The following PDS5B variants were observed in gnomAD, a reference collection of about 807,000 sequenced individuals.
PDS5B encodes PDS5 cohesin associated factor B.
Under a neutral mutation model 184.1 loss-of-function variants are expected in PDS5B, and 51 were observed. That is an observed-to-expected ratio of 0.28 (90% CI 0.22 to 0.35). PDS5B has a LOEUF of 0.35. Among genes scored for constraint, PDS5B ranks in the 10% least tolerant of loss-of-function variants. The pLI is 1.00. For missense variants in PDS5B, 1,180 were observed against 1,723.3 expected (o/e 0.68, Z 5.58); for synonymous variants, 566 against 569.2 (o/e 0.99, Z 0.08).
chr13:32,717,204 T>C (rs1282812105), intron 19 of PDS5B, among the ~76,000 whole-genome samples: 3 of 150,924 alleles, frequency 2.0e-5, no homozygotes, highest in South Asian at 2.1e-4. Flanking sequence ...CAACAGCTCA[T>C]TGAGAACGGG....
intron 3 of PDS5B, among the ~76,000 whole-genome samples, chr13:32,656,938 G>T (rs751383000): frequency 1.3e-5 from 2 of 152,170 alleles, no homozygotes; most frequent in Non-Finnish European, 2.9e-5. Context: ...AACATATGTG[G>T]TCATCATTAT....
In PDS5B at chr13:32,717,173, A is replaced by T. The variant is rs1349024159; in HGVS notation, c.2123+7067A>T. Among the ~76,000 whole-genome samples, 7 of 152,254 alleles carry T rather than the reference A, an allele frequency of 4.6e-5. No individual in the cohort carries two copies. The East Asian group carries it at 1.4e-3, about 29-fold the overall frequency. On this transcript the variant is annotated intron_variant, in intron 19 of 34. Coordinates refer to ENST00000315596, the MANE Select transcript of PDS5B (RefSeq NM_015032.4). ...TGAGGAGCCCCTCTGCCAGGCCACC[A>T]CCCCATCTGGGAGGTGTACCCAACA...
At chr13:32,641,074 A>T (rs1950074243) in intron 1 of PDS5B, among the ~76,000 whole-genome samples, 1 of 151,578 alleles carries the variant, frequency 6.6e-6, no homozygotes, top group East Asian at 1.9e-4. Context: ...AAAAAAAAAA[A>T]ATCACATTTT....
intron 1 of PDS5B, among the ~76,000 whole-genome samples, chr13:32,613,190 T>C (rs1006317035): frequency 2.0e-5 from 3 of 152,242 alleles, no homozygotes; most frequent in Admixed American, 6.5e-5. Flanking sequence ...TAAATAATGC[T>C]GTTTGAAGAT....
intron 1 of PDS5B, among the ~76,000 whole-genome samples, chr13:32,615,144 G>A (rs1049606670): frequency 6.6e-6 from 1 of 152,070 alleles, no homozygotes; most frequent in African/African-American, 2.4e-5. Context: ...TTTTGTGATA[G>A]CATGTTTTGT....
chr13:32,626,265 G>A (rs967636379), intron 1 of PDS5B, among the ~76,000 whole-genome samples: 1 of 152,184 alleles, frequency 6.6e-6, no homozygotes, highest in Non-Finnish European at 1.5e-5. Flanking sequence ...GCAGTTACAG[G>A]TATGGAGGGA....
intron 16 of PDS5B, 65 bp downstream of exon 16, chr13:32,699,934 T>C (rs1304780493): frequency 7.1e-7 from 1 of 1,404,660 alleles, no homozygotes; most frequent in African/African-American, 1.5e-5. Flanking sequence ...TTCTCTCTTT[T>C]ATAAAAGTAA....
At chr13:32,724,685 A>G (rs768259495) in intron 19 of PDS5B, among the ~76,000 whole-genome samples, 13 of 152,162 alleles carry the variant, frequency 8.5e-5, no homozygotes, top group African/African-American at 2.9e-4. Flanking sequence ...GGTTCAAGCA[A>G]TCCTCCCACC....
At chr13:32,597,200 A>ATT (rs745671900) in intron 1 of PDS5B, among the ~76,000 whole-genome samples, 9 of 136,964 alleles carry the variant, frequency 6.6e-5, no homozygotes, top group African/African-American at 2.2e-4. Flanking sequence ...TGGCTGGCTC[A>ATT]TTTTTTTTTT....
rs531263332 is a variant in PDS5B, at chr13:32,688,699, G to T, written c.1469+130G>T. 29 of 645,920 alleles carry T rather than the reference G, an allele frequency of 4.5e-5. No homozygotes were observed. In the African/African-American group the frequency reaches 4.5e-4, roughly 10 times the overall value. The allele number at this position is 645,920 out of a possible 1,614,324, so 40.0% of individuals were successfully genotyped here. On this transcript the variant is annotated intron_variant, in intron 13 of 34. Transcript: ENST00000315596. The stretch of plus-strand genomic sequence containing the variant: ...GTGTAAACATTGTTTAAAGGGTTAT[G>T]TCGTAGTACTTGGCTATTTTTTCAG...
intron 6 of PDS5B, among the ~76,000 whole-genome samples, chr13:32,666,918 A>G (rs1005805385): frequency 1.3e-5 from 2 of 152,200 alleles, no homozygotes; most frequent in East Asian, 3.8e-4. Flanking sequence ...TGTACAGAAA[A>G]TTACTTCTCA....
At chr13:32,595,405 C>T (rs1047801269) in intron 1 of PDS5B, among the ~76,000 whole-genome samples, 1 of 152,166 alleles carries the variant, frequency 6.6e-6, no homozygotes, top group African/African-American at 2.4e-5. Flanking sequence ...ACCTCTCATT[C>T]CTTCCCCATT....
chr13:32,665,648 A>G (rs1441076700), intron 6 of PDS5B, among the ~76,000 whole-genome samples: 3 of 150,124 alleles, frequency 2.0e-5, no homozygotes, highest in Non-Finnish European at 4.5e-5. Flanking sequence ...CAAGATAGGA[A>G]TGAATTTCTT....
intron 16 of PDS5B, 100 bp from the exon 17 acceptor site, chr13:32,701,223 G>A (rs1030645945): frequency 4.4e-5 from 26 of 597,482 alleles, no homozygotes; most frequent in African/African-American, 3.4e-4. Flanking sequence ...TTATTCCAGC[G>A]TCAGTACTAC....
At chr13:32,715,879 T>C (rs1952380157) in intron 19 of PDS5B, among the ~76,000 whole-genome samples, 1 of 152,262 alleles carries the variant, frequency 6.6e-6, no homozygotes, top group South Asian at 2.1e-4. Context: ...CGGGCTGGTC[T>C]CCAGCTCCTA....
intron 1 of PDS5B, among the ~76,000 whole-genome samples, chr13:32,589,412 C>T (rs1446170522): frequency 6.6e-6 from 1 of 152,092 alleles, no homozygotes; most frequent in East Asian, 1.9e-4. Context: ...TCTGTTTCAG[C>T]GTCTGGTTTT....
At position 32,758,069 on chromosome 13, in the gene PDS5B, C is replaced by CT; in HGVS notation, c.3057-18_3057-17insT. The CT allele has an allele frequency of 2.0e-6, 2 of 1,010,620 alleles. No individual in the cohort carries two copies. The highest frequency in any genetic ancestry group is 2.7e-6 in the Non-Finnish European group (2 of 742,738). 62.6% of individuals were successfully genotyped at this position (1,010,620 alleles called of 1,614,324 possible). Reference sequence around the variant, plus strand: ...TGATTTTCTTCTATATTTCTTTTTTCCTTTTTTTTTTTTTTAGATGTCTTT... The same window carrying CT: ...TGATTTTCTTCTATATTTCTTTTTTCTCTTTTTTTTTTTTTTAGATGTCTTT... On this transcript the variant is annotated splice_polypyrimidine_tract_variant and intron_variant, in intron 26 of 34. Coordinates refer to ENST00000315596, the MANE Select transcript of PDS5B (RefSeq NM_015032.4).
chr13:32,590,370 A>G (rs564924520), intron 1 of PDS5B, among the ~76,000 whole-genome samples: 1 of 152,308 alleles, frequency 6.6e-6, no homozygotes, highest in East Asian at 1.9e-4. Flanking sequence ...AGGACTGAAG[A>G]CACCCTGTCC....
chr13:32,661,630 A>C (rs1013109378), intron 6 of PDS5B, among the ~76,000 whole-genome samples: 27 of 152,182 alleles, frequency 1.8e-4, no homozygotes, highest in African/African-American at 4.8e-4. Context: ...GAAATATTCC[A>C]GAATTGGTTA....
Sources: allele counts gnomAD v4.1 joint callset (sites outside exome capture counted in the v4.1 genomes callset), GRCh38; gene constraint gnomAD v4.1.1; transcripts MANE v1.5; gene names NCBI Gene and HGNC (gene_info 2026-07-23, HGNC 2026-07-21).